SMOC2: variants seen among roughly 807,000 people sequenced by gnomAD.
SMOC2 encodes SPARC-related modular calcium-binding protein 2.
Under a neutral mutation model 61.4 loss-of-function variants are expected in SMOC2, and 39 were observed. The ratio of observed to expected loss-of-function variants is 0.64; its 90% confidence interval spans 0.49 to 0.83. The LOEUF (loss-of-function observed/expected upper bound fraction) is 0.83, where lower values mean the gene tolerates loss of function less well. SMOC2 is among the 40% of genes least tolerant of loss of function. The pLI is 0.00. For synonymous variants in SMOC2, 247 were observed against 239.9 expected (o/e 1.03, Z -0.27); for missense variants, 556 against 592.9 (o/e 0.94, Z 0.65).
intron 9 of SMOC2, among the ~76,000 whole-genome samples, chr6:168,632,376 C>A (rs1026693985): frequency 6.6e-6 from 1 of 152,094 alleles, no homozygotes; most frequent in Non-Finnish European, 1.5e-5. Flanking sequence ...GAGATAATTG[C>A]CTTTAAAAGT....
At chr6:168,602,717 GCAAA>G (rs1408398440) in intron 8 of SMOC2, among the ~76,000 whole-genome samples, 1 of 152,212 alleles carries the variant, frequency 6.6e-6, no homozygotes, top group African/African-American at 2.4e-5. Context: ...GGTTCCTCGT[GCAAA>G]CAGTTAGACA....
chr6:168,558,906 CGT>C (rs1206896113), intron 7 of SMOC2, among the ~76,000 whole-genome samples: 1 of 150,506 alleles, frequency 6.6e-6, no homozygotes, highest in Non-Finnish European at 1.5e-5. Flanking sequence ...TGTGTGTGCA[CGT>C]GTGTATGTGT....
intron 7 of SMOC2, among the ~76,000 whole-genome samples, chr6:168,554,826 C>T (rs540084570): frequency 2.0e-5 from 3 of 152,344 alleles, no homozygotes; most frequent in African/African-American, 4.8e-5. Context: ...TGCCCAACTA[C>T]ATTCTGTGTT....
chr6:168,490,766 A>C (rs1343523418), intron 1 of SMOC2, among the ~76,000 whole-genome samples: 1 of 152,178 alleles, frequency 6.6e-6, no homozygotes, highest in African/African-American at 2.4e-5. Context: ...CCTGTCTTCA[A>C]ATCCCTCCAT....
intron 9 of SMOC2, among the ~76,000 whole-genome samples, chr6:168,612,561 C>T (rs1326321503): frequency 1.3e-5 from 2 of 150,960 alleles, no homozygotes; most frequent in Non-Finnish European, 3.0e-5. Flanking sequence ...GCGCTGGGTT[C>T]GTGATCTCCA....
At chr6:168,602,478 G>A (rs75237878) in intron 8 of SMOC2, among the ~76,000 whole-genome samples, 2,958 of 152,150 alleles carry the variant, frequency 0.019, 89 homozygotes, top group African/African-American at 0.064. Flanking sequence ...ACCCACCTGC[G>A]GTGGTTTCCC....
At chr6:168,585,810 G>T (rs142374072) in intron 7 of SMOC2, among the ~76,000 whole-genome samples, 110 of 152,292 alleles carry the variant, frequency 7.2e-4, no homozygotes, top group African/African-American at 2.6e-3. Context: ...CTTTCATTTT[G>T]TCATGTCTGT....
At chr6:168,638,977 T>C (rs1024564960) in intron 9 of SMOC2, among the ~76,000 whole-genome samples, 1 of 152,156 alleles carries the variant, frequency 6.6e-6, no homozygotes, top group Admixed American at 6.5e-5. Context: ...TGCCTGTTTG[T>C]GTCATATGCA....
In SMOC2 at chr6:168,441,453, C is replaced by T. The variant is rs1781204449; in HGVS notation, c.83C>T (p.Thr28Met). The T allele has an allele frequency of 5.3e-6, 8 of 1,503,572 alleles. No homozygotes were observed. The highest frequency in any genetic ancestry group is 5.3e-6 in the Non-Finnish European group (6 of 1,130,340). The allele number at this position is 1,503,572 out of a possible 1,614,324, so 93.1% of individuals were successfully genotyped here. The change falls in exon 1 of 13, where the codon ACG becomes ATG. Residue 28 changes from threonine to methionine, a missense_variant and splice_region_variant. Thr to Met is a moderately conservative substitution (Grantham distance 81). Transcript: ENST00000356284. ...PVPAQKFSAL[T>M]FLRVDQDKDK... ...CCCGCTCAGAAGTTCTCGGCGCTCA[C>T]GGTAAGCCCGGGCCCGCGGGACCTG...
At chr6:168,532,703 T>C (rs1384206964) in intron 4 of SMOC2, among the ~76,000 whole-genome samples, 1 of 152,216 alleles carries the variant, frequency 6.6e-6, no homozygotes, top group African/African-American at 2.4e-5. Flanking sequence ...AATCTTCATA[T>C]ATAGCTTGGT....
At chr6:168,664,463 A>G (rs1353427624) in intron 12 of SMOC2, 2 of 414,998 alleles carry the variant, frequency 4.8e-6, no homozygotes, top group East Asian at 6.8e-5. Context: ...TCGAACTCAC[A>G]GGCTCAAGCA....
intron 1 of SMOC2, among the ~76,000 whole-genome samples, chr6:168,473,566 T>A (rs73270985): frequency 0.022 from 3,397 of 152,228 alleles, 126 homozygotes; most frequent in African/African-American, 0.077. Context: ...TCCAGGTGAC[T>A]GTGTGGGCAG....
At chr6:168,634,959 G>A (rs1477275047) in intron 9 of SMOC2, among the ~76,000 whole-genome samples, 3 of 152,212 alleles carry the variant, frequency 2.0e-5, no homozygotes, top group Non-Finnish European at 2.9e-5. Context: ...TCAGAGGCCA[G>A]TTTTCAGATG....
intron 4 of SMOC2, among the ~76,000 whole-genome samples, chr6:168,532,247 C>T (rs1345744402): frequency 6.6e-6 from 1 of 152,042 alleles, no homozygotes; most frequent in Non-Finnish European, 1.5e-5. Context: ...CAGGGAGTGC[C>T]CTGCTGCCCC....
intron 7 of SMOC2, among the ~76,000 whole-genome samples, chr6:168,574,087 G>A (rs59479876): frequency 0.1 from 15,689 of 152,306 alleles, 1,328 homozygotes; most frequent in African/African-American, 0.23. Context: ...CTGGAAACAA[G>A]CGCACTCAAT....
intron 7 of SMOC2, among the ~76,000 whole-genome samples, chr6:168,580,854 A>G (rs1332290102): frequency 2.0e-5 from 3 of 152,202 alleles, no homozygotes; most frequent in African/African-American, 7.2e-5. Context: ...TGAATGCATA[A>G]TTTTAAAACA....
At chr6:168,462,721 C>T (rs1781742536) in intron 1 of SMOC2, among the ~76,000 whole-genome samples, 1 of 152,106 alleles carries the variant, frequency 6.6e-6, no homozygotes, top group African/African-American at 2.4e-5. Context: ...CTTCAGAGGA[C>T]TCAGGGAGAA....
chr6:168,518,662 T>C (rs907434006), intron 2 of SMOC2, among the ~76,000 whole-genome samples: 7 of 149,920 alleles, frequency 4.7e-5, no homozygotes, highest in African/African-American at 1.5e-4. Context: ...GGTGTGTATG[T>C]ATGGAGAGTG....
chr6:168,637,296 G>A (rs961573740), intron 9 of SMOC2, among the ~76,000 whole-genome samples: 2 of 152,088 alleles, frequency 1.3e-5, no homozygotes, highest in Non-Finnish European at 2.9e-5. Flanking sequence ...GGGTGGCCGC[G>A]GCCTTCTTGG....
Sources: gnomAD v4.1 joint callset for allele counts (sites outside exome capture counted in the v4.1 genomes callset) on GRCh38, gnomAD v4.1.1 for gene constraint, MANE v1.5 for transcripts, NCBI Gene and HGNC (gene_info 2026-07-23, HGNC 2026-07-21) for gene names.